ARHGEF40: variants seen among roughly 807,000 people sequenced by gnomAD.
ARHGEF40 encodes the protein Rho guanine nucleotide exchange factor (GEF) 40.
ARHGEF40 carries 98 observed loss-of-function variants against 165.9 expected under a neutral mutation model. That is an observed-to-expected ratio of 0.59 (90% CI 0.50 to 0.70). The LOEUF is 0.70. Among genes scored for constraint, ARHGEF40 ranks in the 30% least tolerant of loss-of-function variants. The pLI, the probability that ARHGEF40 is intolerant of heterozygous loss-of-function variation, is 0.00. For synonymous variants in ARHGEF40, 792 were observed against 814.3 expected (o/e 0.97, Z 0.47); for missense variants, 1,815 against 1,968.0 (o/e 0.92, Z 1.47).
At position 21,073,973 on chromosome 14, in the gene ARHGEF40, G is replaced by GC. The variant is rs1566522026; in HGVS notation, c.244dup (p.Leu82ProfsTer5). 1.2e-6 allele frequency: 2 copies of GC among 1,610,482 alleles called. No homozygotes were observed. Among genetic ancestry groups the GC allele is most frequent in the Non-Finnish European group, 1.7e-6 (2 of 1,179,906 alleles). ...TCCTCTTCTTCCATGAGGGGTGGCC[G>GC]CTCTGCCTGCATGAACAGGTGGTGG... On this transcript the variant is annotated frameshift_variant, in exon 3 of 24. Coordinates refer to ENST00000298694, the MANE Select transcript of ARHGEF40 (RefSeq NM_018071.5). LOFTEE classifies it high-confidence loss of function. This position sits in a 1 kb window ranked among gnomAD's most constrained non-coding sequence, Gnocchi z 4.6.
In ARHGEF40 at chr14:21,082,856, A is replaced by G; in HGVS notation, c.3512A>G (p.Gln1171Arg). Residue 1171 changes from glutamine to arginine, a missense_variant, in exon 16 of 24, where the codon CAG (glutamine) becomes CGG (arginine). Gln to Arg is a conservative substitution (Grantham distance 43, BLOSUM62 1). Transcript: ENST00000298694. ...GGGGACCAGTTCAGCCTTTATGCAC[A>G]GTACGTGAAGCACCGACACAAACTG... ...RHGDQFSLYA[Q>R]YVKHRHKLEN... 6.2e-7 allele frequency: 1 copy of G among 1,614,232 alleles called. No individual in the cohort carries two copies. The highest frequency in any genetic ancestry group is 8.5e-7 in the Non-Finnish European group (1 of 1,180,036).
chr14:21,073,922 C>G lies in ARHGEF40; in HGVS notation c.202-10C>G, dbSNP rs1385124064. 6.3e-7 allele frequency: 1 copy of G among 1,585,990 alleles called. No individual in the cohort carries two copies. Among genetic ancestry groups the G allele is most frequent in the South Asian group, 1.1e-5 (1 of 88,582 alleles). On this transcript the variant is annotated splice_polypyrimidine_tract_variant and intron_variant, in intron 2 of 23. Coordinates refer to ENST00000298694, the MANE Select transcript of ARHGEF40 (RefSeq NM_018071.5). The surrounding 1 kb of genome is among the most constrained non-coding windows in gnomAD (Gnocchi z 4.6). ...GAGGCCTGAGTGCAGCCTCCCACCT[C>G]TCTCCCCAGGCCCAATACAGTGGAT...
At position 21,074,835 on chromosome 14, in the gene ARHGEF40, C is replaced by A; in HGVS notation, c.1105C>A (p.Pro369Thr). 6.2e-7 allele frequency: 1 copy of A among 1,608,914 alleles called. No homozygotes were observed. Among genetic ancestry groups the A allele is most frequent in the Non-Finnish European group, 8.5e-7 (1 of 1,177,990 alleles). ...GGGGQGAEGP[P>T]GTPRRTGKGN... ...AGGAGGCCAGGGGGCTGAAGGACCACCTGGTACCCCTCGGAGAACAGGCAA... is the reference window on the plus strand; with the variant it reads ...AGGAGGCCAGGGGGCTGAAGGACCAACTGGTACCCCTCGGAGAACAGGCAA... The change falls in exon 3 of 24, where the codon CCT becomes ACT. Residue 369 changes from proline (P) to threonine (T), a missense_variant. Coordinates refer to ENST00000298694, the MANE Select transcript of ARHGEF40 (RefSeq NM_018071.5). The surrounding 1 kb of genome is among the most constrained non-coding windows in gnomAD (Gnocchi z 4.8).
At chr14:21,078,048 C>A in intron 8 of ARHGEF40, 129 bp from the exon 9 acceptor site, 1 of 765,268 alleles carries the variant, frequency 1.3e-6, no homozygotes, top group Non-Finnish European at 2.0e-6. Flanking sequence ...AATTAGTTAG[C>A]AACAAAGTCA....
In ARHGEF40 at chr14:21,083,987, G is replaced by A. The variant is rs758824882; in HGVS notation, c.3726G>A (p.Leu1242=). Residue 1242 remains leucine, a synonymous_variant, in exon 17 of 24, where the codon CTG becomes CTA. Transcript: ENST00000298694. ...GGGCCCTTGGGGCTGCTGTACAGCT[G>A]CTCCGGGAACAAGAGGCCCGTGGCA... is the stretch of plus-strand genomic sequence containing the variant. ...ECRALGAAVQ[L]LREQEARGRD... 4 of 1,613,356 alleles carry A rather than the reference G, an allele frequency of 2.5e-6. No homozygotes were observed. The South Asian group carries it at 4.4e-5, about 18-fold the overall frequency.
rs1475966596 is a variant in ARHGEF40, at chr14:21,075,547, G to A, written c.1618+48G>A. On this transcript the variant is annotated intron_variant, in intron 4 of 23. Transcript: ENST00000298694. This position sits in a 1 kb window ranked among gnomAD's most constrained non-coding sequence, Gnocchi z 4.5. ...AGGGAAACAGGACTGGGAAAGAGAA[G>A]CAATTGGGTGGGCTTGGGGACTGGG... 3 of 1,613,932 alleles carry A rather than the reference G, an allele frequency of 1.9e-6. No homozygotes were observed. Among genetic ancestry groups the A allele is most frequent in the African/African-American group, 2.7e-5 (2 of 74,930 alleles).
rs759939769 is a variant in ARHGEF40 at position 21,084,932 on chromosome 14, C to A, written c.3960+9C>A. Reference sequence around the variant, plus strand: ...ACAAGCAGGCCTTTAAGGTACGATTCCTGGAGTGAGTGGTGGAGGTGACAG... The same window carrying A: ...ACAAGCAGGCCTTTAAGGTACGATTACTGGAGTGAGTGGTGGAGGTGACAG... On this transcript the variant is annotated intron_variant, in intron 18 of 23. Coordinates refer to ENST00000298694, the MANE Select transcript of ARHGEF40 (RefSeq NM_018071.5). The A allele has an allele frequency of 1.9e-6, 3 of 1,611,196 alleles. No homozygotes were observed. The highest frequency in any genetic ancestry group is 2.5e-6 in the Non-Finnish European group (3 of 1,178,702).
chr14:21,068,380 T>C (rs967616797), upstream of ARHGEF40, among the ~76,000 whole-genome samples: 3 of 151,834 alleles, frequency 2.0e-5, no homozygotes, highest in African/African-American at 7.3e-5. Context: ...GCCAGATTAA[T>C]TTATATTCCA....
At chr14:21,065,184 AAAC>A in the ARHGEF40 span, among the ~76,000 whole-genome samples, 44 of 146,304 alleles carry the variant, frequency 3.0e-4, no homozygotes, top group Middle Eastern at 6.8e-3. Flanking sequence ...AAAAAAAAAC[AAAC>A]AACAACAACA....
At chr14:21,066,953 C>T (rs1269567307), upstream of ARHGEF40, among the ~76,000 whole-genome samples, 1 of 152,182 alleles carries the variant, frequency 6.6e-6, no homozygotes, top group Non-Finnish European at 1.5e-5. Flanking sequence ...GCAGAGCTAA[C>T]AAGAACACGT....
intron 14 of ARHGEF40, 23 bp from the exon 15 acceptor site, chr14:21,082,221 T>A (rs199728947): frequency 1.1e-4 from 168 of 1,593,688 alleles, no homozygotes; most frequent in Non-Finnish European, 3.3e-5. Flanking sequence ...ACACCTCCTC[T>A]GCCACTCCTA....
chr14:21,074,550 C>T lies in ARHGEF40; in HGVS notation c.820C>T (p.Arg274Cys), dbSNP rs768692739. ...CTCCAGAGTCCGGACGGTACCCACC[C>T]GCAAGGGCGCTGGAGGGAAGGGCCG... ...GLSRVRTVPT[R>C]KGAGGKGRHR... Residue 274 changes from arginine (R) to cysteine (C), a missense_variant, in exon 3 of 24, where the codon CGC (arginine) becomes TGC (cysteine). Arg to Cys is a radical substitution (Grantham distance 180, BLOSUM62 -3). Coordinates refer to ENST00000298694, the MANE Select transcript of ARHGEF40 (RefSeq NM_018071.5). This position sits in a 1 kb window ranked among gnomAD's most constrained non-coding sequence, Gnocchi z 4.8. 7 of 1,551,258 alleles carry T rather than the reference C, an allele frequency of 4.5e-6. No individual in the cohort carries two copies. Among genetic ancestry groups the T allele is most frequent in the Non-Finnish European group, 6.1e-6 (7 of 1,148,564 alleles).
In ARHGEF40 at chr14:21,082,350, C is replaced by T. The variant is rs777686185; in HGVS notation, c.3358C>T (p.Arg1120Trp). The change falls in exon 15 of 24, where the codon CGG becomes TGG. Residue 1120 changes from arginine (R) to tryptophan (W), a missense_variant. Physicochemically the swap from Arg to Trp is moderately radical, Grantham distance 101. Transcript: ENST00000298694. ...PPGPELTPEL[R>W]GTWAAALSAR... ...TGGGCCTGAGCTGACGCCTGAACTT[C>T]GGGGCACCTGGGCTGCTGCCCTGAG... 8 of 1,612,132 alleles carry T rather than the reference C, an allele frequency of 5.0e-6. No homozygotes were observed. The highest frequency in any genetic ancestry group is 4.5e-5 in the East Asian group (2 of 44,878).
rs986772813 is a variant in ARHGEF40, at chr14:21,089,298, T to C, written c.*290T>C. On this transcript the variant is annotated 3_prime_UTR_variant, in exon 24 of 24. Coordinates refer to ENST00000298694, the MANE Select transcript of ARHGEF40 (RefSeq NM_018071.5). ...TGCTTTCCCATCCTGGGCCACTGTA[T>C]CCAGGACATCACTCCCATGCCAGCC... 14 of 161,926 alleles carry C rather than the reference T, an allele frequency of 8.6e-5. No homozygotes were observed. The highest frequency in any genetic ancestry group is 1.6e-4 in the Non-Finnish European group (12 of 74,412). 10.0% of individuals were successfully genotyped at this position (161,926 alleles called of 1,614,324 possible).
chr14:21,076,753 C>T (rs761736997), intron 7 of ARHGEF40, 21 bp from the exon 8 acceptor site: 35 of 1,613,026 alleles, frequency 2.2e-5, no homozygotes, highest in Non-Finnish European at 2.9e-5. Context: ...AGGAAGAAAC[C>T]CCCTGCCTTA....
chr14:21,085,610 G>T, intron 18 of ARHGEF40, 79 bp from the exon 19 acceptor site: 1 of 1,512,776 alleles, frequency 6.6e-7, no homozygotes, highest in South Asian at 1.2e-5. Context: ...GATGCCAGGC[G>T]AAGCCCAGTG....
Position 21,074,327 on chromosome 14 carries a change from T to C in ARHGEF40, c.597T>C (p.Ser199=), listed in dbSNP as rs747306313. The C allele has an allele frequency of 2.5e-6, 4 of 1,614,156 alleles. No homozygotes were observed. The highest frequency in any genetic ancestry group is 1.7e-6 in the Non-Finnish European group (2 of 1,180,016). Residue 199 remains serine, a synonymous_variant, in exon 3 of 24, where the codon AGT becomes AGC. Coordinates refer to ENST00000298694, the MANE Select transcript of ARHGEF40 (RefSeq NM_018071.5). The surrounding 1 kb of genome is among the most constrained non-coding windows in gnomAD (Gnocchi z 4.8). ...KEGLMVGHQP[S]TLPPELPSGP... is the part of the protein sequence containing the mutation. ...GCCTCATGGTTGGACATCAGCCAAGTACACTGCCCCCAGAACTGCCCTCTG... is the reference window on the plus strand; with the variant it reads ...GCCTCATGGTTGGACATCAGCCAAGCACACTGCCCCCAGAACTGCCCTCTG...
In ARHGEF40 at chr14:21,087,467, A is replaced by G. The variant is rs200348606; in HGVS notation, c.4387+4A>G. ...GACGTCAAGCAAATTTCCCTGGGTG[A>G]GGCACCTCTCAAGGGGTGGCTCCCA... On this transcript the variant is annotated splice_donor_region_variant and intron_variant, in intron 21 of 23. Transcript: ENST00000298694. The G allele has an allele frequency of 8.7e-6, 14 of 1,600,420 alleles. No homozygotes were observed. Among genetic ancestry groups the G allele is most frequent in the Non-Finnish European group, 1.2e-5 (14 of 1,179,832 alleles).
intron 19 of ARHGEF40, chr14:21,086,746 C>T (rs1237969437): frequency 1.8e-5 from 8 of 448,282 alleles, no homozygotes; most frequent in Non-Finnish European, 3.3e-5. Context: ...AATTAGGCAG[C>T]TGGGATGCCA....
Sources: gnomAD v4.1 joint callset for allele counts (sites outside exome capture counted in the v4.1 genomes callset) on GRCh38, gnomAD v4.1.1 for gene constraint, Gnocchi (gnomAD v3.1) non-coding constraint, MANE v1.5 for transcripts, NCBI Gene and HGNC (gene_info 2026-07-23, HGNC 2026-07-21) for gene names.